PIGU: variants seen among roughly 807,000 people sequenced by gnomAD.
The protein encoded by PIGU is GPI-anchor transamidase component PIGU.
A neutral mutation model predicts 49.9 loss-of-function variants in PIGU; 24 were observed. That is an observed-to-expected ratio of 0.48 (90% CI 0.35 to 0.68). The LOEUF (loss-of-function observed/expected upper bound fraction) is 0.68, where lower values mean the gene tolerates loss of function less well. PIGU is among the 30% of genes least tolerant of loss of function. PIGU has a pLI of 0.01. For synonymous variants in PIGU, 220 were observed against 205.7 expected (o/e 1.07, Z -0.59); for missense variants, 490 against 532.6 (o/e 0.92, Z 0.79).
chr20:34,662,584 G>A (rs1986961794), intron 1 of PIGU, among the ~76,000 whole-genome samples: 1 of 151,944 alleles, frequency 6.6e-6, no homozygotes. Flanking sequence ...AGTGGAGTCG[G>A]GGTTTTACTA....
chr20:34,600,624 C>A (rs753093236), intron 7 of PIGU, among the ~76,000 whole-genome samples: 4 of 151,762 alleles, frequency 2.6e-5, no homozygotes, highest in Admixed American at 6.6e-5. Context: ...AAAAAAAATA[C>A]CCTCTAAAGT....
intron 5 of PIGU, among the ~76,000 whole-genome samples, chr20:34,635,703 C>A (rs1174645787): frequency 6.6e-6 from 1 of 151,652 alleles, no homozygotes; most frequent in Non-Finnish European, 1.5e-5. Context: ...TGGAGAAACC[C>A]TGCCTCTACT....
chr20:34,582,332 C>T (rs796955482), intron 9 of PIGU, among the ~76,000 whole-genome samples: 4 of 152,238 alleles, frequency 2.6e-5, no homozygotes, highest in Admixed American at 1.3e-4. Flanking sequence ...GTGTAAAGTC[C>T]TTTTCCTGCA....
chr20:34,668,449 G>A (rs189149136), intron 1 of PIGU, among the ~76,000 whole-genome samples: 1,622 of 111,678 alleles, frequency 0.015, 39 homozygotes, highest in African/African-American at 0.056. Flanking sequence ...GTGACAGAGC[G>A]AGACTCCGTC....
At chr20:34,602,168 G>A (rs2146727575) in intron 7 of PIGU, among the ~76,000 whole-genome samples, 1 of 152,180 alleles carries the variant, frequency 6.6e-6, no homozygotes, top group African/African-American at 2.4e-5. Context: ...TGTAATCCCA[G>A]CTACTTGGGA....
chr20:34,635,781 A>T (rs1375300948), intron 5 of PIGU, among the ~76,000 whole-genome samples: 1 of 152,176 alleles, frequency 6.6e-6, no homozygotes, highest in Non-Finnish European at 1.5e-5. Flanking sequence ...AGCCTGAGGC[A>T]GGAGAATGGC....
chr20:34,644,296 G>A (rs1183051735), intron 3 of PIGU, 70 bp from the exon 4 acceptor site: 1 of 1,337,972 alleles, frequency 7.5e-7, no homozygotes, highest in Non-Finnish European at 1.1e-6. Flanking sequence ...TGCTACCAGG[G>A]CTTGGAGTTT....
At chr20:34,571,850 C>T (rs1452863046) in intron 11 of PIGU, among the ~76,000 whole-genome samples, 1 of 152,200 alleles carries the variant, frequency 6.6e-6, no homozygotes, top group Non-Finnish European at 1.5e-5. Flanking sequence ...GCTCTCTTAC[C>T]TCAGTCAGCG....
At chr20:34,601,817 G>C (rs1292797154) in intron 7 of PIGU, among the ~76,000 whole-genome samples, 1 of 152,156 alleles carries the variant, frequency 6.6e-6, no homozygotes, top group Non-Finnish European at 1.5e-5. Flanking sequence ...CCCAGTCTGT[G>C]TGTATAACTC....
intron 2 of PIGU, among the ~76,000 whole-genome samples, chr20:34,649,172 T>G (rs921229529): frequency 3.9e-5 from 6 of 152,072 alleles, no homozygotes; most frequent in African/African-American, 1.2e-4. Context: ...CGGTCTGTTT[T>G]ATTTTGAACT....
intron 11 of PIGU, among the ~76,000 whole-genome samples, chr20:34,567,639 C>T (rs1451799061): frequency 4.6e-5 from 7 of 152,124 alleles, no homozygotes; most frequent in African/African-American, 1.4e-4. Context: ...TTATCCTCAG[C>T]TCTTAAAGCC....
chr20:34,630,343 T>G (rs1207292903), intron 6 of PIGU, among the ~76,000 whole-genome samples: 1 of 152,166 alleles, frequency 6.6e-6, no homozygotes, highest in African/African-American at 2.4e-5. Flanking sequence ...GTCTCCAGAC[T>G]GAAACCAGCC....
chr20:34,611,772 T>C (rs1600627327), intron 7 of PIGU, among the ~76,000 whole-genome samples: 1 of 149,828 alleles, frequency 6.7e-6, no homozygotes, highest in East Asian at 2.0e-4. Flanking sequence ...AAGCTCATCA[T>C]CACTGGTCAT....
chr20:34,561,809 T>A (rs1297732687), intron 11 of PIGU, among the ~76,000 whole-genome samples: 1 of 152,000 alleles, frequency 6.6e-6, no homozygotes, highest in Non-Finnish European at 1.5e-5. Context: ...TCCCCGTTCA[T>A]CTAGTTGACA....
intron 10 of PIGU, among the ~76,000 whole-genome samples, chr20:34,578,402 A>T: frequency 6.6e-6 from 1 of 152,104 alleles, no homozygotes; most frequent in East Asian, 1.9e-4. Context: ...ACCCAACATC[A>T]CTATGTACAT....
chr20:34,630,029 C>CCA (rs1985644730), intron 6 of PIGU, among the ~76,000 whole-genome samples: 1 of 151,984 alleles, frequency 6.6e-6, no homozygotes, highest in African/African-American at 2.4e-5. Flanking sequence ...GCCAACTCAC[C>CCA]CCACAGAACT....
intron 4 of PIGU, among the ~76,000 whole-genome samples, chr20:34,638,262 C>G (rs1986032699): frequency 6.6e-6 from 1 of 152,170 alleles, no homozygotes; most frequent in Non-Finnish European, 1.5e-5. Context: ...GTCCTTATAT[C>G]TCAGTTAAAT....
intron 11 of PIGU, among the ~76,000 whole-genome samples, chr20:34,569,183 A>C (rs1049106447): frequency 2.0e-5 from 3 of 152,058 alleles, no homozygotes; most frequent in Admixed American, 1.3e-4. Context: ...CAGCCTGGGC[A>C]ACAGAGCAAG....
At chr20:34,598,885 G>C (rs561801649) in intron 7 of PIGU, among the ~76,000 whole-genome samples, 7 of 152,138 alleles carry the variant, frequency 4.6e-5, no homozygotes, top group African/African-American at 1.7e-4. Context: ...TGTTGCCCAG[G>C]CTGGTGCAGT....
Sources: allele counts gnomAD v4.1 joint callset (sites outside exome capture counted in the v4.1 genomes callset), GRCh38; gene constraint gnomAD v4.1.1; transcripts MANE v1.5; gene names NCBI Gene and HGNC (gene_info 2026-07-23, HGNC 2026-07-21).